GAB1: variants seen among roughly 807,000 people sequenced by gnomAD.
GAB1 encodes the protein GRB2 associated binding protein 1.
Under a neutral mutation model 66.5 loss-of-function variants are expected in GAB1, and 19 were observed. The ratio of observed to expected loss-of-function variants is 0.29; its 90% CI spans 0.20 to 0.42. The LOEUF (loss-of-function observed/expected upper bound fraction) is 0.42. Among genes scored for constraint, GAB1 ranks in the 10% least tolerant of loss-of-function variants. GAB1 has a pLI of 1.00. For synonymous variants in GAB1, 294 were observed against 301.4 expected, an observed-to-expected ratio of 0.98 and a Z score of 0.25; for missense variants, 732 against 858.5, an observed-to-expected ratio of 0.85 and a Z score of 1.84.
At chr4:143,394,323 C>T (rs1425451351) in intron 1 of GAB1, among the ~76,000 whole-genome samples, 1 of 152,008 alleles carries the variant, frequency 6.6e-6, no homozygotes. Flanking sequence ...GAGAAAGATT[C>T]GGATCAAAAG....
At chr4:143,433,038 C>T (rs1321695830) in intron 2 of GAB1, among the ~76,000 whole-genome samples, 1 of 152,132 alleles carries the variant, frequency 6.6e-6, no homozygotes, top group African/African-American at 2.4e-5. Context: ...GAACGATCAT[C>T]GAAATAAACA....
At position 143,469,130 on chromosome 4, in the gene GAB1, G is replaced by A. The variant is rs1172732651; in HGVS notation, c.2026G>A (p.Ala676Thr). The A allele has an allele frequency of 6.2e-7, 1 of 1,614,052 alleles. No homozygotes were observed. The highest frequency in any genetic ancestry group is 8.5e-7 in the Non-Finnish European group (1 of 1,180,012). Residue 676 changes from alanine (A) to threonine (T), a missense_variant, in exon 10 of 10, where the codon GCC becomes ACC. Physicochemically the swap from Ala to Thr is moderately conservative, Grantham distance 58. Transcript: ENST00000262994. ...CTTGGCTCTAAAGAGTACCCGGGAA[G>A]CCTGGACAGATGGGAGACAGTCCAC... is the stretch of plus-strand genomic sequence containing the variant. ...KTLALKSTREAWTDGRQSTES... is the reference protein window; with the variant it reads ...KTLALKSTRETWTDGRQSTES...
At chr4:143,341,628 C>T (rs1028702139) in intron 1 of GAB1, among the ~76,000 whole-genome samples, 3 of 152,224 alleles carry the variant, frequency 2.0e-5, no homozygotes, top group Non-Finnish European at 2.9e-5. Flanking sequence ...CTGTACCCAG[C>T]GTGGGCTCTC....
chr4:143,425,341 C>T, intron 2 of GAB1: 2 of 768,842 alleles, frequency 2.6e-6, no homozygotes, highest in Non-Finnish European at 4.7e-6. Context: ...GGAGCCAATC[C>T]AATTGCTGGT....
chr4:143,450,862 G>T (rs1036062128), intron 6 of GAB1, among the ~76,000 whole-genome samples: 6 of 150,902 alleles, frequency 4.0e-5, no homozygotes, highest in Admixed American at 2.6e-4. Flanking sequence ...CTGCACTCCA[G>T]CCTGGGCAAC....
chr4:143,372,266 C>T (rs771863732), intron 1 of GAB1, among the ~76,000 whole-genome samples: 3 of 152,096 alleles, frequency 2.0e-5, no homozygotes, highest in Non-Finnish European at 1.5e-5. Flanking sequence ...CTAGTTCTTC[C>T]GTTTGCTATT....
At chr4:143,376,503 C>CA (rs957946419) in intron 1 of GAB1, among the ~76,000 whole-genome samples, 2 of 151,944 alleles carry the variant, frequency 1.3e-5, no homozygotes, top group African/African-American at 4.8e-5. Flanking sequence ...GTACATGCAT[C>CA]AAAAAAGAGA....
In GAB1 at chr4:143,350,212, G is replaced by A. The variant is rs1729146419; in HGVS notation, c.72+12952G>A. On this transcript the variant is annotated intron_variant, in intron 1 of 9. Transcript: ENST00000262994. ...ATGTATCATGGGCCCCAAGCACTGT[G>A]CCTTCTGTCTGATGGATACGTTGGC... 4 of 608,500 alleles carry A rather than the reference G, an allele frequency of 6.6e-6. No homozygotes were observed. The East Asian group carries it at 8.2e-5, about 13-fold the overall frequency. 37.7% of individuals were successfully genotyped at this position (608,500 alleles called of 1,614,324 possible).
At chr4:143,364,314 A>G (rs1560720155) in intron 1 of GAB1, among the ~76,000 whole-genome samples, 1 of 152,042 alleles carries the variant, frequency 6.6e-6, no homozygotes, top group Non-Finnish European at 1.5e-5. Flanking sequence ...TCTCCTGACC[A>G]TTTATGCTAT....
At chr4:143,356,368 C>T (rs1340476662) in intron 1 of GAB1, among the ~76,000 whole-genome samples, 1 of 152,098 alleles carries the variant, frequency 6.6e-6, no homozygotes, top group East Asian at 1.9e-4. Context: ...AAAAACATTT[C>T]ACTGGAAAAT....
chr4:143,448,798 G>T (rs1471124604), intron 6 of GAB1, among the ~76,000 whole-genome samples: 1 of 150,874 alleles, frequency 6.6e-6, no homozygotes, highest in Non-Finnish European at 1.5e-5. Flanking sequence ...CTTCAGTTCT[G>T]CTCTGATTTT....
intron 1 of GAB1, among the ~76,000 whole-genome samples, chr4:143,369,434 A>C (rs1283305827): frequency 6.6e-6 from 1 of 152,222 alleles, no homozygotes; most frequent in Non-Finnish European, 1.5e-5. Flanking sequence ...CTCTGGCTAC[A>C]GTGAGAAAAG....
At chr4:143,447,107 A>G (rs1734598200) in intron 6 of GAB1, among the ~76,000 whole-genome samples, 1 of 151,928 alleles carries the variant, frequency 6.6e-6, no homozygotes, top group Non-Finnish European at 1.5e-5. Context: ...ATAGTTGTAG[A>G]TATGCGGCGT....
chr4:143,362,364 T>G (rs1729697275), intron 1 of GAB1, among the ~76,000 whole-genome samples: 1 of 152,000 alleles, frequency 6.6e-6, no homozygotes, highest in South Asian at 2.1e-4. Context: ...CAAGAAAGAA[T>G]TCGAGACAAA....
At chr4:143,441,106 C>A (rs1277444791) in intron 6 of GAB1, among the ~76,000 whole-genome samples, 1 of 151,920 alleles carries the variant, frequency 6.6e-6, no homozygotes, top group African/African-American at 2.4e-5. Flanking sequence ...TCCATGCTGG[C>A]CTTCATAAGT....
At chr4:143,446,728 CT>C (rs1734571473) in intron 6 of GAB1, among the ~76,000 whole-genome samples, 1 of 152,102 alleles carries the variant, frequency 6.6e-6, no homozygotes, top group African/African-American at 2.4e-5. Flanking sequence ...CGAAAATTTT[CT>C]CCCATTTTGT....
chr4:143,441,027 A>G (rs1328245906), intron 6 of GAB1, among the ~76,000 whole-genome samples: 2 of 152,214 alleles, frequency 1.3e-5, no homozygotes, highest in African/African-American at 4.8e-5. Context: ...TTCTGTTCAT[A>G]TAACAACTTC....
At chr4:143,373,868 A>AATATATAT (rs1553945760) in intron 1 of GAB1, among the ~76,000 whole-genome samples, 1 of 93,670 alleles carries the variant, frequency 1.1e-5, no homozygotes, top group African/African-American at 4.6e-5. Context: ...TAAATAAATA[A>AATATATAT]ATATATATAT....
chr4:143,393,471 C>T (rs535609256), intron 1 of GAB1, among the ~76,000 whole-genome samples: 1 of 152,172 alleles, frequency 6.6e-6, no homozygotes, highest in East Asian at 1.9e-4. Context: ...CTTTGTGACT[C>T]GTTTTCTCAT....
Sources: allele counts gnomAD v4.1 joint callset (sites outside exome capture counted in the v4.1 genomes callset), GRCh38; gene constraint gnomAD v4.1.1; transcripts MANE v1.5; gene names NCBI Gene and HGNC (gene_info 2026-07-23, HGNC 2026-07-21).